Variants in ABCB5 observed in about 807,000 individuals in gnomAD.
The protein encoded by ABCB5 is ATP-binding cassette sub-family B member 5.
A neutral mutation model predicts 144.2 loss-of-function variants in ABCB5; 155 were observed. That is an observed-to-expected ratio of 1.08 (90% CI 0.94 to 1.23). The LOEUF is 1.23. Ranked by LOEUF, ABCB5 falls within the 50% of genes most tolerant of loss-of-function variation. The pLI is 0.00. For missense variants in ABCB5, 1,830 were observed against 1,520.8 expected (o/e 1.20, Z -3.38); for synonymous variants, 610 against 528.6 (o/e 1.15, Z -2.11).
At chr7:20,627,054 A>T (rs1414269751) in intron 3 of ABCB5, among the ~76,000 whole-genome samples, 1 of 152,200 alleles carries the variant, frequency 6.6e-6, no homozygotes, top group Non-Finnish European at 1.5e-5. Context: ...AAAAATAATT[A>T]TCTAAGAATT....
chr7:20,685,601 G>T, intron 15 of ABCB5, 95 bp from the exon 16 acceptor site: 1 of 1,149,566 alleles, frequency 8.7e-7, no homozygotes, highest in African/African-American at 1.6e-5. Flanking sequence ...ACTTTCAATA[G>T]CAAAGGCGAT....
intron 3 of ABCB5, among the ~76,000 whole-genome samples, chr7:20,627,728 AT>A (rs1377387176): frequency 6.6e-6 from 1 of 152,114 alleles, no homozygotes; most frequent in African/African-American, 2.4e-5. Context: ...AGAAAAAAAA[AT>A]CTAAGGAATT....
intron 14 of ABCB5, among the ~76,000 whole-genome samples, chr7:20,666,499 C>T (rs931415644): frequency 2.0e-5 from 3 of 152,278 alleles, no homozygotes; most frequent in Non-Finnish European, 4.4e-5. Context: ...TCCTCAGGTC[C>T]GTATCTCTGC....
chr7:20,642,357 CT>C (rs766212290), intron 5 of ABCB5, among the ~76,000 whole-genome samples: 1 of 152,156 alleles, frequency 6.6e-6, no homozygotes, highest in Non-Finnish European at 1.5e-5. Context: ...ACTTCCTGCT[CT>C]TTTTATGGCT....
chr7:20,728,799 G>C (rs1436480143), intron 23 of ABCB5, among the ~76,000 whole-genome samples: 1 of 152,158 alleles, frequency 6.6e-6, no homozygotes, highest in Non-Finnish European at 1.5e-5. Flanking sequence ...CATAAACCTT[G>C]TAAGGGGGTC....
chr7:20,687,363 C>A (rs748366650), intron 16 of ABCB5, among the ~76,000 whole-genome samples: 2 of 152,200 alleles, frequency 1.3e-5, no homozygotes, highest in Admixed American at 6.5e-5. Context: ...CAATCTGATA[C>A]AACTACGTGC....
At chr7:20,685,606 G>A in intron 15 of ABCB5, 90 bp from the exon 16 acceptor site, 1 of 1,193,948 alleles carries the variant, frequency 8.4e-7, no homozygotes. Context: ...CAATAGCAAA[G>A]GCGATAACAG....
chr7:20,656,640 T>A (rs902533416), intron 13 of ABCB5, among the ~76,000 whole-genome samples: 1 of 152,078 alleles, frequency 6.6e-6, no homozygotes, highest in Non-Finnish European at 1.5e-5. Context: ...AGCAATTAGA[T>A]CTCTCATTCA....
chr7:20,721,705 C>T (rs6461512), intron 20 of ABCB5, among the ~76,000 whole-genome samples: 114,649 of 152,112 alleles, frequency 0.75, 43,994 homozygotes, highest in East Asian at 0.96. Flanking sequence ...TTTGTGTGAA[C>T]GGTAAATGTA....
At position 20,658,612 on chromosome 7, in the gene ABCB5, T is replaced by A; in HGVS notation, c.1643T>A (p.Leu548Ter). ...ALVRNPKILI[L>*]DEATSALDSE... ...GTTCGAAACCCCAAGATTCTGATTT[T>A]AGATGAGGCTACGTCTGCCCTGGAT... Residue 548 changes from leucine (L) to a stop codon, truncating the protein, a stop_gained, in exon 14 of 28, where the codon TTA (leucine) becomes TAA (stop). Coordinates refer to ENST00000404938, the MANE Select transcript of ABCB5 (RefSeq NM_001163941.2). LOFTEE classifies it high-confidence loss of function. 6.2e-7 allele frequency: 1 copy of A among 1,614,202 alleles called. No individual in the cohort carries two copies. The highest frequency in any genetic ancestry group is 8.5e-7 in the Non-Finnish European group (1 of 1,180,032).
chr7:20,711,599 C>G (rs992931963), intron 20 of ABCB5, among the ~76,000 whole-genome samples: 1 of 148,040 alleles, frequency 6.8e-6, no homozygotes, highest in African/African-American at 2.5e-5. Context: ...GTAGCTGGGA[C>G]TCTGGGCACA....
rs770405875 is a variant in ABCB5 at position 20,647,690 on chromosome 7, C to G, written c.1095+42C>G. On this transcript the variant is annotated intron_variant, in intron 10 of 27. Coordinates refer to ENST00000404938, the MANE Select transcript of ABCB5 (RefSeq NM_001163941.2). Reference sequence around the variant, plus strand: ...CTTTGAAGAATAACTATCATTACTGCAAGAAGGAGACAAAAAAACATACAC... The same window carrying G: ...CTTTGAAGAATAACTATCATTACTGGAAGAAGGAGACAAAAAAACATACAC... The G allele has an allele frequency of 3.9e-6, 6 of 1,534,078 alleles. No individual in the cohort carries two copies. The African/African-American group carries it at 4.2e-5, about 11-fold the overall frequency.
At chr7:20,751,929 C>G (rs1373781245) in intron 26 of ABCB5, among the ~76,000 whole-genome samples, 1 of 152,164 alleles carries the variant, frequency 6.6e-6, no homozygotes, top group Admixed American at 6.5e-5. Flanking sequence ...TTCAGACACC[C>G]GTCCTTTGCT....
rs139067979 is a variant in ABCB5 at position 20,663,248 on chromosome 7, G to C, written c.1707+4572G>C. On this transcript the variant is annotated intron_variant, in intron 14 of 27. Coordinates refer to ENST00000404938, the MANE Select transcript of ABCB5 (RefSeq NM_001163941.2). Reference sequence around the variant, plus strand: ...TATCAAATTTCACTTCTGAGTATATGCCCAAAATAATTGAAAGCAGGGTCT... The same window carrying C: ...TATCAAATTTCACTTCTGAGTATATCCCCAAAATAATTGAAAGCAGGGTCT... 6.8e-3 allele frequency among the ~76,000 whole-genome samples: 1,034 copies of C among 152,248 alleles called. 5 individuals carry two copies. Among genetic ancestry groups the C allele is most frequent in the African/African-American group, 0.024 (985 of 41,530 alleles).
intron 16 of ABCB5, among the ~76,000 whole-genome samples, chr7:20,686,572 T>C (rs1786008698): frequency 6.6e-6 from 1 of 151,992 alleles, no homozygotes; most frequent in Admixed American, 6.6e-5. Flanking sequence ...AACCCATGCT[T>C]CTCCCAGCCT....
chr7:20,626,707 T>A, intron 3 of ABCB5, 96 bp downstream of exon 3: 1 of 951,830 alleles, frequency 1.1e-6, no homozygotes, highest in South Asian at 2.7e-5. Flanking sequence ...GCATCCACTA[T>A]TTGTGGGAAA....
At chr7:20,688,858 C>T (rs549942241) in intron 16 of ABCB5, among the ~76,000 whole-genome samples, 1 of 152,016 alleles carries the variant, frequency 6.6e-6, no homozygotes, top group Non-Finnish European at 1.5e-5. Context: ...TCTCAGCAAA[C>T]TAACAAGGAC....
chr7:20,627,822 C>T (rs1783942689), intron 3 of ABCB5, among the ~76,000 whole-genome samples: 2 of 152,042 alleles, frequency 1.3e-5, no homozygotes, highest in Non-Finnish European at 2.9e-5. Context: ...GCCATGATGC[C>T]GGTGAGCCAG....
In ABCB5 at chr7:20,743,075, G is replaced by C. The variant is rs537202456; in HGVS notation, c.3222+1G>C. ...TTATGACCCCGTGCAAGGACAAGTG[G>C]TAAGACAGAACTGAAACACACCTAA... On this transcript the variant is annotated splice_donor_variant, in intron 25 of 27. Transcript: ENST00000404938. LOFTEE classifies it high-confidence loss of function. 6 of 1,613,676 alleles carry C rather than the reference G, an allele frequency of 3.7e-6. No individual in the cohort carries two copies. The South Asian group carries it at 6.6e-5, about 18-fold the overall frequency.
Sources: allele counts gnomAD v4.1 joint callset (sites outside exome capture counted in the v4.1 genomes callset), GRCh38; gene constraint gnomAD v4.1.1; transcripts MANE v1.5; gene names NCBI Gene and HGNC (gene_info 2026-07-23, HGNC 2026-07-21).